NLRC3: variants seen among roughly 807,000 people sequenced by gnomAD.
NLRC3 encodes NLR family CARD domain containing 3, also known as NLR family CARD domain-containing protein 3.
A neutral mutation model predicts 91.6 loss-of-function variants in NLRC3; 87 were observed. The ratio of observed to expected loss-of-function variants is 0.95; its 90% CI spans 0.80 to 1.14. The LOEUF is 1.14. Ranked by LOEUF, NLRC3 falls within the 50% of genes most tolerant of loss-of-function variation. The pLI is 0.00. For missense variants in NLRC3, 1,577 were observed against 1,418.6 expected (o/e 1.11, Z -1.79); for synonymous variants, 694 against 625.3 (o/e 1.11, Z -1.64).
chr16:3,561,849 T>C, intron 5 of NLRC3, 61 bp from the exon 6 acceptor site: 1 of 1,196,708 alleles, frequency 8.4e-7, no homozygotes, highest in Non-Finnish European at 1.2e-6. Flanking sequence ...GTGGGGGCCC[T>C]GGCCCGGGGC....
intron 19 of NLRC3, 128 bp downstream of exon 19, chr16:3,542,063 C>A (rs191798040): frequency 2.4e-6 from 2 of 828,236 alleles, no homozygotes; most frequent in Non-Finnish European, 4.0e-6. Flanking sequence ...GGTACCTCCC[C>A]TTAGACCAGG....
At chr16:3,545,317 T>C (rs1284772119) in intron 15 of NLRC3, 1 of 151,918 alleles carries the variant, frequency 6.6e-6, no homozygotes, top group Non-Finnish European at 1.5e-5. Context: ...TGGGTGTATT[T>C]TTAGTAGAGA....
chr16:3,565,101 C>G (rs933737690), intron 3 of NLRC3, 41 bp from the exon 4 acceptor site: 10 of 1,495,716 alleles, frequency 6.7e-6, no homozygotes, highest in Non-Finnish European at 9.1e-6. Context: ...GCCGTGCCCC[C>G]CATCCAGCAG....
At chr16:3,559,934 C>T (rs1036617086) in intron 6 of NLRC3, among the ~76,000 whole-genome samples, 1 of 152,066 alleles carries the variant, frequency 6.6e-6, no homozygotes, top group Non-Finnish European at 1.5e-5. Flanking sequence ...TGAGCCACCG[C>T]CCCTGGCCTA....
chr16:3,561,838 G>A, intron 5 of NLRC3, 50 bp from the exon 6 acceptor site: 1 of 1,426,000 alleles, frequency 7.0e-7, no homozygotes. Flanking sequence ...CCACGGGCAG[G>A]GTGGGGGCCC....
In NLRC3 at chr16:3,557,580, T is replaced by C. The variant is rs2039403536; in HGVS notation, c.2099+13A>G. 1.9e-6 allele frequency: 3 copies of C among 1,589,650 alleles called. No individual in the cohort carries two copies. In the African/African-American group the frequency reaches 4.0e-5, roughly 21 times the overall value. On this transcript the variant is annotated intron_variant, in intron 7 of 19. Transcript: ENST00000359128. ...CCAATGGCAAAAGTTCGGCCTTGGTTGTCCTTACTTACTCCAGAGAGGTCA... is the reference window on the plus strand; with the variant it reads ...CCAATGGCAAAAGTTCGGCCTTGGTCGTCCTTACTTACTCCAGAGAGGTCA...
chr16:3,544,066 G>C, intron 16 of NLRC3, 180 bp downstream of exon 16: 1 of 578,702 alleles, frequency 1.7e-6, no homozygotes, highest in South Asian at 2.1e-5. Flanking sequence ...GCTGAGGCTT[G>C]AGAATCACTT....
chr16:3,544,185 C>A, intron 16 of NLRC3, 61 bp downstream of exon 16: 28 of 915,344 alleles, frequency 3.1e-5, no homozygotes, highest in Non-Finnish European at 4.9e-5. Context: ...AAAAAGACCT[C>A]TAACGTGAAA....
At position 3,556,958 on chromosome 16, in the gene NLRC3, C is replaced by G; in HGVS notation, c.2136G>C (p.Lys712Asn). ...TGATCTTCAAAGCGTCTGCCAGCGCCTTGGCCCCTTGTGGTCCAATGGAGT... is the reference window on the plus strand; with the variant it reads ...TGATCTTCAAAGCGTCTGCCAGCGCGTTGGCCCCTTGTGGTCCAATGGAGT... ...RGNSIGPQGA[K>N]ALADALKINR... Residue 712 changes from lysine (K) to asparagine (N), a missense_variant, in exon 8 of 20, where the codon AAG (lysine) becomes AAC (asparagine). By Grantham distance (94) the Lys-to-Asn change is moderately conservative. Coordinates refer to ENST00000359128, the MANE Select transcript of NLRC3 (RefSeq NM_178844.4). 3.7e-6 allele frequency: 6 copies of G among 1,613,830 alleles called. No homozygotes were observed. Among genetic ancestry groups the G allele is most frequent in the Non-Finnish European group, 5.1e-6 (6 of 1,179,752 alleles).
At chr16:3,551,285 T>C (rs2151087821) in intron 10 of NLRC3, among the ~76,000 whole-genome samples, 1 of 135,838 alleles carries the variant, frequency 7.4e-6, no homozygotes, top group Non-Finnish European at 1.6e-5. Context: ...ACCATCCATC[T>C]ATCCACTCAC....
In NLRC3 at chr16:3,563,831, C is replaced by T. The variant is rs1202584963; in HGVS notation, c.1106G>A (p.Arg369Lys). The change falls in exon 5 of 20, where the codon AGG (arginine) becomes AAG (lysine). Residue 369 changes from arginine to lysine, a missense_variant. Arg to Lys is a conservative substitution (Grantham distance 26). Transcript: ENST00000359128. ...TLCELYSWYF[R>K]MALSGEGQEK... ...CTGCCCCTCCCCGCTGAGGGCCATC[C>T]TAAAGTACCATGAGTAGAGCTCGCA... 2 of 1,608,784 alleles carry T rather than the reference C, an allele frequency of 1.2e-6. No homozygotes were observed. Among genetic ancestry groups the T allele is most frequent in the African/African-American group, 2.7e-5 (2 of 74,856 alleles).
intron 8 of NLRC3, among the ~76,000 whole-genome samples, chr16:3,555,611 C>T (rs2039268150): frequency 6.6e-6 from 1 of 152,068 alleles, no homozygotes; most frequent in Non-Finnish European, 1.5e-5. Flanking sequence ...GCTCTGTCGC[C>T]CAGGCTGGAG....
rs2038384542 is a variant in NLRC3 at position 3,541,264 on chromosome 16, T to G, written c.*561A>C. 6.6e-6 allele frequency: 1 copy of G among 152,292 alleles called. No homozygotes were observed. Among genetic ancestry groups the G allele is most frequent in the Non-Finnish European group, 1.5e-5 (1 of 68,114 alleles). The allele number at this position is 152,292 out of a possible 1,614,324, so 9.4% of individuals were successfully genotyped here. On this transcript the variant is annotated 3_prime_UTR_variant, in exon 20 of 20. Coordinates refer to ENST00000359128, the MANE Select transcript of NLRC3 (RefSeq NM_178844.4). Reference sequence around the variant, plus strand: ...ACTCTTACTGTCTCTGTTTCCAGAATCCTAGAATTAAAACTTTCATTTATC... The same window carrying G: ...ACTCTTACTGTCTCTGTTTCCAGAAGCCTAGAATTAAAACTTTCATTTATC...
At position 3,541,926 on chromosome 16, in the gene NLRC3, A is replaced by C; in HGVS notation, c.3108-11T>G. ...TGGTTTCCCTGGAGACTAGAAGAGTAGGGTTAAGGCAGGGCTCAAAGCCTG... is the reference window on the plus strand; with the variant it reads ...TGGTTTCCCTGGAGACTAGAAGAGTCGGGTTAAGGCAGGGCTCAAAGCCTG... On this transcript the variant is annotated splice_polypyrimidine_tract_variant and intron_variant, in intron 19 of 19. Transcript: ENST00000359128. The C allele has an allele frequency of 6.4e-7, 1 of 1,551,094 alleles. No individual in the cohort carries two copies. Among genetic ancestry groups the C allele is most frequent in the Non-Finnish European group, 8.9e-7 (1 of 1,125,730 alleles).
At chr16:3,562,024 A>C (rs1596475325) in intron 5 of NLRC3, among the ~76,000 whole-genome samples, 1 of 151,790 alleles carries the variant, frequency 6.6e-6, no homozygotes, top group African/African-American at 2.4e-5. Context: ...CGTCCTCACC[A>C]CCCCACATAC....
intron 16 of NLRC3, 79 bp downstream of exon 16, chr16:3,544,167 A>G: frequency 1.1e-5 from 9 of 834,014 alleles, no homozygotes; most frequent in Non-Finnish European, 1.7e-5. Context: ...TCGAGGAAAA[A>G]AAAAAAAAAA....
At chr16:3,572,038 A>G (rs1250954654) in intron 1 of NLRC3, among the ~76,000 whole-genome samples, 1 of 151,980 alleles carries the variant, frequency 6.6e-6, no homozygotes, top group African/African-American at 2.4e-5. Flanking sequence ...TGCAACATAC[A>G]TGGAAAAATA....
At chr16:3,543,179 T>C in intron 17 of NLRC3, 1 of 516,420 alleles carries the variant, frequency 1.9e-6, no homozygotes, top group East Asian at 3.5e-5. Flanking sequence ...TCAGCCCCCC[T>C]GGGACCCATA....
intron 2 of NLRC3, among the ~76,000 whole-genome samples, chr16:3,565,907 G>A (rs1283108919): frequency 1.3e-5 from 2 of 151,620 alleles, no homozygotes; most frequent in Non-Finnish European, 2.9e-5. Flanking sequence ...CTGGTATGGG[G>A]TGTGTGCCAG....
Sources: allele counts gnomAD v4.1 joint callset (sites outside exome capture counted in the v4.1 genomes callset), GRCh38; gene constraint gnomAD v4.1.1; transcripts MANE v1.5; gene names NCBI Gene and HGNC (gene_info 2026-07-23, HGNC 2026-07-21).